Variants in SNAPIN observed in about 807,000 individuals in gnomAD.
SNAPIN encodes SNAP associated protein.
Under a neutral mutation model 15.9 loss-of-function variants are expected in SNAPIN, and 16 were observed. The ratio of observed to expected loss-of-function variants is 1.01; its 90% CI spans 0.68 to 1.53. The LOEUF (loss-of-function observed/expected upper bound fraction) is 1.53. SNAPIN is among the 40% of genes most tolerant of loss of function. The pLI is 0.00. For missense variants in SNAPIN, 186 were observed against 180.1 expected (o/e 1.03, Z -0.19); for synonymous variants, 83 against 76.2 (o/e 1.09, Z -0.46).
Position 153,661,209 on chromosome 1 carries a change from A to G in SNAPIN, c.319A>G (p.Arg107Gly), listed in dbSNP as rs750984293. 1.2e-6 allele frequency: 2 copies of G among 1,613,618 alleles called. No individual in the cohort carries two copies. Among genetic ancestry groups the G allele is most frequent in the Non-Finnish European group, 8.5e-7 (1 of 1,179,644 alleles). ...NILQNAQERL[R>G]RLNHSVAKET... ...CTTCCTTGTCTTGTAGGAACGACTG[A>G]GACGGCTAAACCACAGTGTTGCCAA... Residue 107 changes from arginine to glycine, a missense_variant, in exon 4 of 4, where the codon AGA (arginine) becomes GGA (glycine). By Grantham distance (125) the Arg-to-Gly change is moderately radical (BLOSUM62 -2). Coordinates refer to ENST00000368685, the MANE Select transcript of SNAPIN (RefSeq NM_012437.6).
chr1:153,661,348 C>T lies in SNAPIN; in HGVS notation c.*47C>T, dbSNP rs747837005. ...TAGCACAAGTACTGTTCCCCAGCTG[C>T]CTTGTTTCAACAGACATGCAAAGAT... is the stretch of plus-strand genomic sequence containing the variant. On this transcript the variant is annotated 3_prime_UTR_variant, in exon 4 of 4. Transcript: ENST00000368685. 1 of 1,444,986 alleles carries T rather than the reference C, an allele frequency of 6.9e-7. No individual in the cohort carries two copies. The highest frequency in any genetic ancestry group is 9.7e-7 in the Non-Finnish European group (1 of 1,030,782). 89.5% of individuals were successfully genotyped at this position (1,444,986 alleles called of 1,614,324 possible). A position where few individuals can be genotyped will look rare whatever the true frequency, so the allele number is the denominator to read the frequency against.
At chr1:153,660,366 C>G (rs1669118073) in intron 3 of SNAPIN, among the ~76,000 whole-genome samples, 1 of 144,804 alleles carries the variant, frequency 6.9e-6, no homozygotes, top group African/African-American at 2.6e-5. Context: ...AAGACAGGAT[C>G]GGCTGGGCGC....
chr1:153,661,096 C>CT, intron 3 of SNAPIN, 104 bp from the exon 4 acceptor site: 1 of 842,510 alleles, frequency 1.2e-6, no homozygotes, highest in Non-Finnish European at 2.0e-6. Context: ...CTTTTGAAGA[C>CT]TGACTTTGAG....
upstream of SNAPIN, chr1:153,658,657 G>A: frequency 7.2e-7 from 1 of 1,396,062 alleles, no homozygotes; most frequent in Non-Finnish European, 9.3e-7. Context: ...CATTTCCCGG[G>A]CGCCCCCTCA....
intron 1 of SNAPIN, 105 bp downstream of exon 1, chr1:153,658,991 T>G: frequency 6.3e-7 from 1 of 1,582,712 alleles, no homozygotes; most frequent in Non-Finnish European, 8.6e-7. Context: ...AGGAAACTGA[T>G]TCGAGGCGGG....
At chr1:153,659,065 T>C in intron 1 of SNAPIN, 73 bp from the exon 2 acceptor site, 1 of 1,579,172 alleles carries the variant, frequency 6.3e-7, no homozygotes, top group Non-Finnish European at 8.7e-7. Flanking sequence ...CAGTACTTGG[T>C]AAATACGTAG....
Position 153,661,236 on chromosome 1 carries a change from G to A in SNAPIN, c.346G>A (p.Glu116Lys). Residue 116 changes from glutamate (E) to lysine (K), a missense_variant, in exon 4 of 4, where the codon GAA becomes AAA. Physicochemically the swap from Glu to Lys is moderately conservative, Grantham distance 56. Transcript: ENST00000368685. ...LRRLNHSVAKETARRRAMLDS... is the reference protein window; with the variant it reads ...LRRLNHSVAKKTARRRAMLDS... ...ACGGCTAAACCACAGTGTTGCCAAG[G>A]AAACAGCCCGCAGGAGAGCAATGCT... 2 of 1,613,814 alleles carry A rather than the reference G, an allele frequency of 1.2e-6. No individual in the cohort carries two copies. Among genetic ancestry groups the A allele is most frequent in the Non-Finnish European group, 1.7e-6 (2 of 1,179,846 alleles).
chr1:153,659,114 TG>T, intron 1 of SNAPIN, 23 bp from the exon 2 acceptor site: 2 of 1,613,742 alleles, frequency 1.2e-6, no homozygotes, highest in Admixed American at 1.7e-5. Context: ...TGCCTGACCT[TG>T]TAGGCCTTGT....
At chr1:153,659,634 A>G (rs546825391) in intron 3 of SNAPIN, 68 bp downstream of exon 3, 1 of 1,080,550 alleles carries the variant, frequency 9.3e-7, no homozygotes, top group Non-Finnish European at 1.4e-6. Context: ...AGTGAAAGCC[A>G]CTGTAATTTT....
rs1356093898 is a variant in SNAPIN, at chr1:153,658,797, G to A, written c.54G>A (p.Gly18=). The A allele has an allele frequency of 6.3e-7, 1 of 1,585,370 alleles. No individual in the cohort carries two copies. Among genetic ancestry groups the A allele is most frequent in the Non-Finnish European group, 8.5e-7 (1 of 1,171,742 alleles). The change falls in exon 1 of 4, where the codon GGG becomes GGA. Residue 18 remains glycine, a synonymous_variant. Transcript: ENST00000368685. The stretch of plus-strand genomic sequence containing the variant: ...CGGGGGCAGGGACCCCGGTGGCGGG[G>A]CCCACAGGCCGCGACCTTTTCGCCG... ...AVSGAGTPVA[G]PTGRDLFAEG...
At chr1:153,660,508 C>T (rs1669121939) in intron 3 of SNAPIN, among the ~76,000 whole-genome samples, 1 of 151,832 alleles carries the variant, frequency 6.6e-6, no homozygotes, top group Admixed American at 6.6e-5. Context: ...ATTAGCTGGG[C>T]GTGGTAGCGC....
rs774236050 is a variant in SNAPIN at position 153,659,506 on chromosome 1, G to A, written c.249G>A (p.Lys83=). ...CCCTGGATCTTGACCCCTATGTTAA[G>A]AAGCTACTTAATGCCCGGCGACGCG... is the stretch of plus-strand genomic sequence containing the variant. ...KVALDLDPYV[K]KLLNARRRVV... is the part of the protein sequence containing the mutation. Residue 83 remains lysine (K), a synonymous_variant, in exon 3 of 4, where the codon AAG becomes AAA. Transcript: ENST00000368685. The A allele has an allele frequency of 2.5e-6, 4 of 1,614,016 alleles. No individual in the cohort carries two copies. Among genetic ancestry groups the A allele is most frequent in the Non-Finnish European group, 3.4e-6 (4 of 1,180,032 alleles).
In SNAPIN at chr1:153,658,894, G is replaced by C. The variant is rs1273460497; in HGVS notation, c.143+8G>C. ...TCACGTACACGCCGTCAGGTGCCCG[G>C]GAGGGAAGTTGGGGGCGGGGCCTGT... On this transcript the variant is annotated splice_region_variant and intron_variant, in intron 1 of 3. Coordinates refer to ENST00000368685, the MANE Select transcript of SNAPIN (RefSeq NM_012437.6). 2 of 1,609,852 alleles carry C rather than the reference G, an allele frequency of 1.2e-6. No homozygotes were observed. Among genetic ancestry groups the C allele is most frequent in the South Asian group, 1.1e-5 (1 of 90,874 alleles).
Position 153,661,545 on chromosome 1 carries a change from G to C in SNAPIN, c.*244G>C, listed in dbSNP as rs565020368. 3.0e-6 allele frequency: 1 copy of C among 330,264 alleles called. No individual in the cohort carries two copies. Among genetic ancestry groups the C allele is most frequent in the African/African-American group, 2.1e-5 (1 of 48,066 alleles). The allele number at this position is 330,264 out of a possible 1,614,324, so 20.5% of individuals were successfully genotyped here. The stretch of plus-strand genomic sequence containing the variant: ...ATGGCTCTTGCTTCCTTTCACAAAT[G>C]AGCTGAGGCCTCTACTTTTTTTTTT... On this transcript the variant is annotated 3_prime_UTR_variant, in exon 4 of 4. Transcript: ENST00000368685.
At chr1:153,659,071 C>A in intron 1 of SNAPIN, 67 bp from the exon 2 acceptor site, 2 of 1,579,664 alleles carry the variant, frequency 1.3e-6, no homozygotes, top group Non-Finnish European at 1.7e-6. Flanking sequence ...TTGGTAAATA[C>A]GTAGGGGAGT....
In SNAPIN at chr1:153,658,810, G is replaced by T; in HGVS notation, c.67G>T (p.Asp23Tyr). 1 of 1,594,156 alleles carries T rather than the reference G, an allele frequency of 6.3e-7. No homozygotes were observed. Among genetic ancestry groups the T allele is most frequent in the Non-Finnish European group, 8.5e-7 (1 of 1,174,806 alleles). The change falls in exon 1 of 4, where the codon GAC becomes TAC. Residue 23 changes from aspartate to tyrosine, a missense_variant. By Grantham distance (160) the Asp-to-Tyr change is radical. Coordinates refer to ENST00000368685, the MANE Select transcript of SNAPIN (RefSeq NM_012437.6). The part of the protein sequence containing the change: ...GTPVAGPTGR[D>Y]LFAEGLLEFL... ...CCCGGTGGCGGGGCCCACAGGCCGC[G>T]ACCTTTTCGCCGAAGGGCTGCTGGA... is the stretch of plus-strand genomic sequence containing the variant.
At chr1:153,660,391 G>A (rs1001265820) in intron 3 of SNAPIN, among the ~76,000 whole-genome samples, 16 of 147,426 alleles carry the variant, frequency 1.1e-4, no homozygotes, top group African/African-American at 4.0e-4. Context: ...GCTCTTGCCT[G>A]TAATCCCAGC....
intron 3 of SNAPIN, among the ~76,000 whole-genome samples, 180 bp downstream of exon 3, chr1:153,659,746 T>TTGTGTG (rs67464033): frequency 6.6e-6 from 1 of 151,472 alleles, no homozygotes; most frequent in Admixed American, 6.6e-5. Context: ...ATTTACATTC[T>TTGTGTG]TGTGTGTGTG....
intron 1 of SNAPIN, 39 bp downstream of exon 1, chr1:153,658,925 TG>T (rs1557948560): frequency 6.2e-7 from 1 of 1,605,450 alleles, no homozygotes; most frequent in African/African-American, 1.3e-5. Context: ...CCTGTCTCTC[TG>T]GCTTTGTAGG....
Sources: gnomAD v4.1 joint callset for allele counts (sites outside exome capture counted in the v4.1 genomes callset) on GRCh38, gnomAD v4.1.1 for gene constraint, MANE v1.5 for transcripts, NCBI Gene and HGNC (gene_info 2026-07-23, HGNC 2026-07-21) for gene names.